Variants in PVALB observed in about 807,000 individuals in gnomAD.
PVALB encodes the protein parvalbumin.
PVALB carries 11 observed loss-of-function variants against 10.9 expected under a neutral mutation model. The observed-to-expected ratio is 1.01, with a 90% CI of 0.63 to 1.67. The LOEUF (loss-of-function observed/expected upper bound fraction) is 1.67. Ranked by LOEUF, PVALB falls within the 40% of genes most tolerant of loss-of-function variation. The pLI is 0.00. For missense variants in PVALB, 131 were observed against 136.2 expected (o/e 0.96, Z 0.19); for synonymous variants, 57 against 50.7 (o/e 1.12, Z -0.53).
At chr22:36,811,490 G>A in intron 3 of PVALB, 1 of 469,940 alleles carries the variant, frequency 2.1e-6, no homozygotes, top group South Asian at 1.6e-5. Flanking sequence ...CCATTGCCGG[G>A]CACAGAGTTG....
chr22:36,808,470 A>G (rs747986426), intron 3 of PVALB, among the ~76,000 whole-genome samples: 31 of 152,308 alleles, frequency 2.0e-4, no homozygotes, highest in Non-Finnish European at 1.0e-4. Flanking sequence ...GACCCTGGGC[A>G]TGTCACTTCT....
chr22:36,819,479 T>C (rs895466484), upstream of PVALB: 1 of 152,300 alleles, frequency 6.6e-6, no homozygotes. Context: ...GCTGGGCTGG[T>C]GGGAAGTCCT....
intron 3 of PVALB, among the ~76,000 whole-genome samples, chr22:36,809,495 C>A (rs888299780): frequency 6.6e-6 from 1 of 152,158 alleles, no homozygotes; most frequent in Non-Finnish European, 1.5e-5. Flanking sequence ...TCACGTGCTT[C>A]GGAGCTCAAA....
intron 3 of PVALB, 134 bp downstream of exon 3, chr22:36,813,512 T>C (rs1355366851): frequency 1.4e-6 from 1 of 715,892 alleles, no homozygotes; most frequent in East Asian, 2.5e-5. Context: ...AATGGACTGC[T>C]TTTTGTCTTC....
At chr22:36,819,276 C>T (rs1601526651), upstream of PVALB, among the ~76,000 whole-genome samples, 1 of 152,180 alleles carries the variant, frequency 6.6e-6, no homozygotes, top group African/African-American at 2.4e-5. Context: ...GGAATGCATG[C>T]TCTCAGCCCT....
intron 3 of PVALB, chr22:36,811,458 G>T (rs1024497558): frequency 4.2e-6 from 2 of 470,696 alleles, no homozygotes; most frequent in African/African-American, 4.0e-5. Context: ...CAGGAAATGG[G>T]CCTGAATTAT....
intron 3 of PVALB, among the ~76,000 whole-genome samples, chr22:36,812,036 A>AAC (rs1569093075): frequency 3.3e-5 from 5 of 150,042 alleles, no homozygotes; most frequent in South Asian, 2.1e-4. Flanking sequence ...ACAACAACAA[A>AAC]AAAAACCCTC....
rs199501463 is a variant in PVALB, at chr22:36,813,756, C to T, written c.195-1G>A. On this transcript the variant is annotated splice_acceptor_variant, in intron 2 of 3. Coordinates refer to ENST00000417718, the MANE Select transcript of PVALB (RefSeq NM_001315532.2). LOFTEE classifies it high-confidence loss of function. Reference sequence around the variant, plus strand: ...TGGGGAGAAGCCTTTTAGGATGAATCTGGAGGAGAAAAGGGAGAAAGCCGG... The same window carrying T: ...TGGGGAGAAGCCTTTTAGGATGAATTTGGAGGAGAAAAGGGAGAAAGCCGG... The T allele has an allele frequency of 6.2e-7, 1 of 1,608,158 alleles. No homozygotes were observed. Among genetic ancestry groups the T allele is most frequent in the East Asian group, 2.2e-5 (1 of 44,862 alleles).
chr22:36,806,316 TG>T (rs1938949932), intron 3 of PVALB, among the ~76,000 whole-genome samples: 1 of 151,978 alleles, frequency 6.6e-6, no homozygotes, highest in Admixed American at 6.6e-5. Flanking sequence ...ATGGTAGGGA[TG>T]GGGGTGGGAA....
intron 2 of PVALB, 82 bp downstream of exon 2, chr22:36,815,021 G>A (rs1283578389): frequency 1.9e-6 from 3 of 1,550,124 alleles, no homozygotes; most frequent in Admixed American, 3.5e-5. Flanking sequence ...CAGGTCTGAT[G>A]GACACTTGGA....
chr22:36,816,036 T>A (rs1031995074), intron 1 of PVALB, among the ~76,000 whole-genome samples: 1 of 136,030 alleles, frequency 7.4e-6, no homozygotes, highest in Non-Finnish European at 1.5e-5. Flanking sequence ...CAATGTTAGA[T>A]CATGTATTTT....
At chr22:36,806,158 C>G (rs1938945937) in intron 3 of PVALB, among the ~76,000 whole-genome samples, 1 of 152,204 alleles carries the variant, frequency 6.6e-6, no homozygotes, top group South Asian at 2.1e-4. Flanking sequence ...AAGAGACAGT[C>G]TTCCTTTGGA....
chr22:36,812,940 A>C (rs150856154), intron 3 of PVALB, among the ~76,000 whole-genome samples: 4 of 152,246 alleles, frequency 2.6e-5, no homozygotes, highest in Non-Finnish European at 5.9e-5. Context: ...AATGCCACAC[A>C]GAGCCAAATG....
chr22:36,803,658 T>C (rs1938905355), intron 3 of PVALB, among the ~76,000 whole-genome samples: 1 of 100,990 alleles, frequency 9.9e-6, no homozygotes, highest in African/African-American at 3.8e-5. Flanking sequence ...GATGAATGGA[T>C]GGATGGGTGG....
intron 3 of PVALB, among the ~76,000 whole-genome samples, chr22:36,804,528 C>G (rs1167831663): frequency 1.3e-5 from 2 of 152,206 alleles, no homozygotes; most frequent in East Asian, 3.9e-4. Flanking sequence ...GGAGCCACCC[C>G]TTCCGTGCCT....
intron 3 of PVALB, chr22:36,811,402 A>G (rs983570951): frequency 2.2e-6 from 1 of 452,058 alleles, no homozygotes; most frequent in Non-Finnish European, 4.6e-6. Flanking sequence ...ACAGATGAGG[A>G]AGCTGGGGCT....
intron 3 of PVALB, among the ~76,000 whole-genome samples, chr22:36,810,804 TCCAGCCTTGG>T (rs1939033813): frequency 6.6e-6 from 1 of 152,232 alleles, no homozygotes; most frequent in African/African-American, 2.4e-5. Flanking sequence ...CCCAAAAGTT[TCCAGCCTTGG>T]CTGATGCCAA....
intron 3 of PVALB, among the ~76,000 whole-genome samples, chr22:36,812,875 T>C (rs769401736): frequency 6.6e-6 from 1 of 152,244 alleles, no homozygotes; most frequent in Non-Finnish European, 1.5e-5. Flanking sequence ...AAAATGGAGA[T>C]AATTCCGGAG....
chr22:36,816,829 G>A, intron 1 of PVALB, 116 bp downstream of exon 1: 1 of 851,022 alleles, frequency 1.2e-6, no homozygotes. Context: ...GCGCCCAGCG[G>A]GAAGTGTGGG....
Sources: allele counts gnomAD v4.1 joint callset (sites outside exome capture counted in the v4.1 genomes callset), GRCh38; gene constraint gnomAD v4.1.1; transcripts MANE v1.5; gene names NCBI Gene and HGNC (gene_info 2026-07-23, HGNC 2026-07-21).